The following RANBP2 variants were observed in gnomAD, a reference collection of about 807,000 sequenced individuals.
The protein encoded by RANBP2 is E3 SUMO-protein ligase RanBP2.
A neutral mutation model predicts 303.6 loss-of-function variants in RANBP2; 57 were observed. The ratio of observed to expected loss-of-function variants is 0.19; its 90% CI spans 0.15 to 0.23. The LOEUF is 0.23. Among genes scored for constraint, RANBP2 ranks in the 10% least tolerant of loss-of-function variants. The pLI, the probability that RANBP2 is intolerant of heterozygous loss-of-function variation, is 1.00. For missense variants in RANBP2, 3,138 were observed against 3,780.8 expected (o/e 0.83, Z 4.46); for synonymous variants, 1,167 against 1,301.5 (o/e 0.90, Z 2.23).
Position 108,765,733 on chromosome 2 carries a change from G to A in RANBP2, c.5194G>A (p.Val1732Met), listed in dbSNP as rs1326471326. 1 of 1,613,988 alleles carries A rather than the reference G, an allele frequency of 6.2e-7. No homozygotes were observed. Among genetic ancestry groups the A allele is most frequent in the South Asian group, 1.1e-5 (1 of 91,064 alleles). Residue 1732 changes from valine (V) to methionine (M), a missense_variant, in exon 20 of 29, where the codon GTG (valine) becomes ATG (methionine). Coordinates refer to ENST00000283195, the MANE Select transcript of RANBP2 (RefSeq NM_006267.5). ...GAAGGAAGGACAGTGGGATTGCAGTGTGTGCTTAGTAAGAAATGAAGCCAG... is the reference window on the plus strand; with the variant it reads ...GAAGGAAGGACAGTGGGATTGCAGTATGTGCTTAGTAAGAAATGAAGCCAG... ...TKKEGQWDCS[V>M]CLVRNEASAT...
the RANBP2 span, among the ~76,000 whole-genome samples, chr2:108,795,862 A>T: frequency 6.6e-6 from 1 of 152,210 alleles, no homozygotes; most frequent in Non-Finnish European, 1.5e-5. Context: ...CAAGTTTTTA[A>T]GCAAAGGAAT....
chr2:109,047,574 A>G, the RANBP2 span, among the ~76,000 whole-genome samples: 2 of 152,132 alleles, frequency 1.3e-5, no homozygotes, highest in Non-Finnish European at 2.9e-5. Flanking sequence ...TTTGGGAGGC[A>G]AAGGTGGGTG....
At chr2:109,285,638 T>G in the RANBP2 span, among the ~76,000 whole-genome samples, 17 of 152,196 alleles carry the variant, frequency 1.1e-4, no homozygotes, top group Non-Finnish European at 2.4e-4. Context: ...TAACCTGTCA[T>G]CTGTGTCAGT....
chr2:109,213,365 G>A, the RANBP2 span, among the ~76,000 whole-genome samples: 6 of 152,170 alleles, frequency 3.9e-5, no homozygotes, highest in Admixed American at 3.3e-4. Flanking sequence ...GATAACTGCT[G>A]GGTGACAGGA....
chr2:108,753,757 T>C lies in RANBP2; in HGVS notation c.2056-68T>C, dbSNP rs1010776637. ...CTGGGATTACAGGCATGAGCCACCATGCGTGGCCAAGCTAAAAGTTTTTTG... is the reference window on the plus strand; with the variant it reads ...CTGGGATTACAGGCATGAGCCACCACGCGTGGCCAAGCTAAAAGTTTTTTG... On this transcript the variant is annotated intron_variant, in intron 14 of 28. Coordinates refer to ENST00000283195, the MANE Select transcript of RANBP2 (RefSeq NM_006267.5). 1.2e-5 allele frequency: 20 copies of C among 1,611,066 alleles called. No individual in the cohort carries two copies. The African/African-American group carries it at 1.7e-4, about 14-fold the overall frequency.
chr2:109,057,273 G>C, the RANBP2 span, among the ~76,000 whole-genome samples: 2 of 152,152 alleles, frequency 1.3e-5, no homozygotes, highest in African/African-American at 4.8e-5. Context: ...TTCAAGAAAG[G>C]GGTCATAGTG....
At chr2:108,957,234 T>TG in the RANBP2 span, among the ~76,000 whole-genome samples, 1 of 152,226 alleles carries the variant, frequency 6.6e-6, no homozygotes, top group Non-Finnish European at 1.5e-5. Flanking sequence ...AAATTTCTGG[T>TG]GGGCTCCCAG....
At chr2:109,190,385 G>A in the RANBP2 span, among the ~76,000 whole-genome samples, 1 of 152,212 alleles carries the variant, frequency 6.6e-6, no homozygotes, top group Admixed American at 6.5e-5. Context: ...TGTTGGCCAG[G>A]CTGGTCTCAA....
At chr2:109,186,095 T>A in the RANBP2 span, among the ~76,000 whole-genome samples, 2 of 152,272 alleles carry the variant, frequency 1.3e-5, no homozygotes, top group Non-Finnish European at 1.5e-5. Flanking sequence ...AGGGTGATTT[T>A]AACTTCAGGA....
the RANBP2 span, among the ~76,000 whole-genome samples, chr2:109,154,779 T>A: frequency 6.6e-5 from 10 of 152,098 alleles, no homozygotes; most frequent in Admixed American, 5.2e-4. Flanking sequence ...GTGTATGTGT[T>A]TTTGGAGACC....
chr2:109,179,612 A>G, the RANBP2 span, among the ~76,000 whole-genome samples: 1 of 152,154 alleles, frequency 6.6e-6, no homozygotes, highest in African/African-American at 2.4e-5. Flanking sequence ...GTGTTGTAAT[A>G]TGGTGGAGGG....
the RANBP2 span, among the ~76,000 whole-genome samples, chr2:108,971,261 C>T: frequency 6.6e-6 from 1 of 152,110 alleles, no homozygotes; most frequent in East Asian, 1.9e-4. Context: ...TTTCTTCCAG[C>T]ATCTAGAAAC....
the RANBP2 span, among the ~76,000 whole-genome samples, chr2:109,246,493 A>G: frequency 1.3e-5 from 2 of 152,200 alleles, no homozygotes; most frequent in African/African-American, 4.8e-5. Flanking sequence ...AGGATTTAAC[A>G]TATGACTTTT....
chr2:109,693,171 C>T, the RANBP2 span, among the ~76,000 whole-genome samples: 1 of 151,582 alleles, frequency 6.6e-6, no homozygotes, highest in Non-Finnish European at 1.5e-5. Flanking sequence ...CTCCACAACC[C>T]CTTATTTTTA....
At chr2:108,889,931 T>A in the RANBP2 span, among the ~76,000 whole-genome samples, 1 of 152,300 alleles carries the variant, frequency 6.6e-6, no homozygotes, top group East Asian at 1.9e-4. Context: ...GTGATTGCTT[T>A]ACCAGTGAGT....
At chr2:109,057,303 A>G in the RANBP2 span, among the ~76,000 whole-genome samples, 1,808 of 152,326 alleles carry the variant, frequency 0.012, 39 homozygotes, top group African/African-American at 0.041. Context: ...TCTATGGTCT[A>G]TTTGAATTAT....
the RANBP2 span, among the ~76,000 whole-genome samples, chr2:109,009,115 G>A: frequency 5.3e-5 from 8 of 151,832 alleles, no homozygotes; most frequent in East Asian, 2.0e-4. Flanking sequence ...CGAGGTGGGC[G>A]GATCACGAGG....
At chr2:109,161,481 G>A in the RANBP2 span, among the ~76,000 whole-genome samples, 9 of 151,370 alleles carry the variant, frequency 5.9e-5, no homozygotes, top group South Asian at 1.9e-3. Context: ...GCATGGTTGG[G>A]TGACGTGCAT....
At chr2:108,791,581 TCA>T in the RANBP2 span, 2 of 1,407,298 alleles carry the variant, frequency 1.4e-6, no homozygotes, top group East Asian at 4.7e-5. Flanking sequence ...ACATTTTTTC[TCA>T]GTTATGCTGT....
Sources: allele counts gnomAD v4.1 joint callset (sites outside exome capture counted in the v4.1 genomes callset), GRCh38; gene constraint gnomAD v4.1.1; transcripts MANE v1.5; gene names NCBI Gene and HGNC (gene_info 2026-07-23, HGNC 2026-07-21).